The following SHPRH variants were observed in gnomAD, a reference collection of about 807,000 sequenced individuals.
SHPRH encodes the protein SNF2 histone linker PHD RING helicase.
SHPRH carries 106 observed loss-of-function variants against 202.5 expected under a neutral mutation model. That is an observed-to-expected ratio of 0.52 (90% CI 0.45 to 0.62). SHPRH has a LOEUF of 0.62. SHPRH is among the 20% of genes least tolerant of loss of function. SHPRH has a pLI of 0.00. For synonymous variants in SHPRH, 729 were observed against 686.0 expected, an observed-to-expected ratio of 1.06 and a Z score of -0.98; for missense variants, 1,710 against 2,020.0, an observed-to-expected ratio of 0.85 and a Z score of 2.94.
At chr6:145,937,876 A>T (rs563052964) in intron 11 of SHPRH, among the ~76,000 whole-genome samples, 65 of 152,304 alleles carry the variant, frequency 4.3e-4, no homozygotes, top group African/African-American at 1.6e-3. Context: ...CAATTGTATG[A>T]TGTTATAGAA....
intron 2 of SHPRH, among the ~76,000 whole-genome samples, chr6:145,874,468 T>C (rs1450817527): frequency 6.6e-6 from 1 of 152,146 alleles, no homozygotes; most frequent in East Asian, 1.9e-4. Context: ...GACAGCATTT[T>C]TTTTTATTCT....
Position 145,923,649 on chromosome 6 carries a change from G to T in SHPRH, c.3539C>A (p.Ser1180Ter), listed in dbSNP as rs780286402. The change falls in exon 18 of 30, where the codon TCA (serine) becomes TAA (stop). Residue 1180 changes from serine to a stop codon, truncating the protein, a stop_gained. Coordinates refer to ENST00000275233, the MANE Select transcript of SHPRH (RefSeq NM_001042683.3). LOFTEE classifies it high-confidence loss of function. ...YKQQTGKLSM[S>*]EKFRDCRGLQ... Reference sequence around the variant, plus strand: ...TTTCTTCCTGTTTTCTTACTTCTCTGACATAGAAAGCTTGCCAGTTTGTTG... The same window carrying T: ...TTTCTTCCTGTTTTCTTACTTCTCTTACATAGAAAGCTTGCCAGTTTGTTG... 6.2e-7 allele frequency: 1 copy of T among 1,611,608 alleles called. No homozygotes were observed. The highest frequency in any genetic ancestry group is 8.5e-7 in the Non-Finnish European group (1 of 1,178,470).
intron 2 of SHPRH, among the ~76,000 whole-genome samples, chr6:145,875,108 A>T (rs926129990): frequency 5.3e-5 from 8 of 152,206 alleles, no homozygotes; most frequent in African/African-American, 1.9e-4. Context: ...GCAAATATTA[A>T]AAAATCTGAA....
intron 2 of SHPRH, among the ~76,000 whole-genome samples, chr6:145,867,623 T>TAGAGAGAGAG (rs1562268495): frequency 8.8e-5 from 6 of 68,434 alleles, no homozygotes; most frequent in Non-Finnish European, 1.3e-4. Context: ...TATATATATA[T>TAGAGAGAGAG]ATATATATAG....
At chr6:145,937,145 A>T (rs973332401) in intron 11 of SHPRH, among the ~76,000 whole-genome samples, 3 of 151,742 alleles carry the variant, frequency 2.0e-5, no homozygotes, top group Admixed American at 6.6e-5. Context: ...CACCATGTCC[A>T]GCTAATTTTT....
rs1780997051 is a variant in SHPRH at position 145,886,255 on chromosome 6, T to C, written c.*436A>G. The C allele has an allele frequency of 2.1e-6, 1 of 483,732 alleles. No homozygotes were observed. Among genetic ancestry groups the C allele is most frequent in the Non-Finnish European group, 3.9e-6 (1 of 258,536 alleles). The allele number at this position is 483,732 out of a possible 1,614,324, so 30.0% of individuals were successfully genotyped here. ...TACTTAAAATATTACTAACAAGATA[T>C]TGGTGAATCATGTGCTAAAGATACT... On this transcript the variant is annotated 3_prime_UTR_variant, in exon 30 of 30. Coordinates refer to ENST00000275233, the MANE Select transcript of SHPRH (RefSeq NM_001042683.3).
intron 6 of SHPRH, 143 bp downstream of exon 6, chr6:145,947,350 G>T: frequency 1.1e-6 from 1 of 911,378 alleles, no homozygotes; most frequent in Non-Finnish European, 1.5e-6. Flanking sequence ...CTGCCCACTT[G>T]AAGTTAACTA....
chr6:145,884,224 T>C (rs1215184384), downstream of SHPRH: 1 of 152,204 alleles, frequency 6.6e-6, no homozygotes, highest in Non-Finnish European at 1.5e-5. Flanking sequence ...TCATGTGATA[T>C]GAAAGATAAC....
At chr6:145,904,538 G>C (rs888145132) in intron 25 of SHPRH, 3 of 152,288 alleles carry the variant, frequency 2.0e-5, no homozygotes, top group Non-Finnish European at 4.4e-5. Flanking sequence ...ACAATAAGCT[G>C]ATGTTTCAAG....
chr6:145,862,851 C>G (rs1779629850), downstream of SHPRH: 1 of 152,122 alleles, frequency 6.6e-6, no homozygotes, highest in South Asian at 2.1e-4. Context: ...TCTTAGAAAA[C>G]CCTCTCACAT....
At chr6:145,912,491 G>A (rs558143617) in intron 24 of SHPRH, among the ~76,000 whole-genome samples, 2 of 151,982 alleles carry the variant, frequency 1.3e-5, no homozygotes, top group South Asian at 4.2e-4. Context: ...AAAACTAAAA[G>A]CAAAAAATAC....
chr6:145,904,352 T>G (rs536453161), intron 25 of SHPRH: 9 of 151,992 alleles, frequency 5.9e-5, no homozygotes, highest in Non-Finnish European at 7.4e-5. Context: ...AACAGTAATA[T>G]AAAGAAAAAA....
chr6:145,927,830 G>A (rs1333896825), intron 14 of SHPRH, among the ~76,000 whole-genome samples: 30 of 151,838 alleles, frequency 2.0e-4, no homozygotes, highest in Non-Finnish European at 2.2e-4. Context: ...GAAACTCAGG[G>A]ATCTCCCTCT....
intron 25 of SHPRH, chr6:145,907,309 T>C (rs1411174107): frequency 2.6e-5 from 4 of 152,152 alleles, no homozygotes; most frequent in Admixed American, 2.6e-4. Context: ...CTTCTCTCCA[T>C]TTCTACCGCC....
intron 23 of SHPRH, among the ~76,000 whole-genome samples, chr6:145,916,516 A>C (rs1783966593): frequency 1.3e-5 from 2 of 152,132 alleles, no homozygotes; most frequent in African/African-American, 4.8e-5. Context: ...CATTTAAAAA[A>C]TCTGTGCCTA....
At chr6:145,875,025 CTTTTGAGCACTGATATAAG>C (rs1221117132) in intron 2 of SHPRH, among the ~76,000 whole-genome samples, 4 of 152,128 alleles carry the variant, frequency 2.6e-5, no homozygotes, top group Non-Finnish European at 5.9e-5. Flanking sequence ...AAACTGAAAC[CTTTTGAGCACTGATATAAG>C]TCTCAAGGGA....
At chr6:145,866,398 A>G (rs1348734294) in intron 2 of SHPRH, among the ~76,000 whole-genome samples, 1 of 152,160 alleles carries the variant, frequency 6.6e-6, no homozygotes, top group East Asian at 1.9e-4. Context: ...CCTCCTTTCT[A>G]CATTTCTGGG....
intron 6 of SHPRH, among the ~76,000 whole-genome samples, chr6:145,947,048 A>T (rs1252786778): frequency 6.6e-6 from 1 of 152,098 alleles, no homozygotes; most frequent in Non-Finnish European, 1.5e-5. Flanking sequence ...AGTTTGTTTC[A>T]TTTAGCAATC....
rs1787602782 is a variant in SHPRH at position 145,948,277 on chromosome 6, T to A, written c.1056A>T (p.Thr352=). 1 of 1,578,552 alleles carries A rather than the reference T, an allele frequency of 6.3e-7. No homozygotes were observed. The highest frequency in any genetic ancestry group is 1.4e-5 in the African/African-American group (1 of 73,680). ...TAAGTAAAATTTTGCCTTACCAGCC[T>A]GTATATGGATTATAGTAGAGTTTCA... ...EGLKLYYNPY[T]GCIIREYPNS... The change falls in exon 5 of 30, where the codon ACA becomes ACT. Residue 352 remains threonine, a synonymous_variant. Coordinates refer to ENST00000275233, the MANE Select transcript of SHPRH (RefSeq NM_001042683.3).
Sources: gnomAD v4.1 joint callset for allele counts (sites outside exome capture counted in the v4.1 genomes callset) on GRCh38, gnomAD v4.1.1 for gene constraint, MANE v1.5 for transcripts, NCBI Gene and HGNC (gene_info 2026-07-23, HGNC 2026-07-21) for gene names.